Variants in TRAPPC3L observed in about 807,000 individuals in gnomAD.
TRAPPC3L encodes trafficking protein particle complex subunit 3L.
In TRAPPC3L, 23 loss-of-function variants were observed where a neutral mutation model predicts 23.7. The ratio of observed to expected loss-of-function variants is 0.97; its 90% CI spans 0.70 to 1.37. TRAPPC3L has a LOEUF of 1.37. Ranked by LOEUF, TRAPPC3L falls within the 40% of genes most tolerant of loss-of-function variation. The pLI is 0.00. For synonymous variants in TRAPPC3L, 81 were observed against 77.9 expected, an observed-to-expected ratio of 1.04 and a Z score of -0.21; for missense variants, 212 against 216.8, an observed-to-expected ratio of 0.98 and a Z score of 0.14.
In TRAPPC3L at chr6:116,500,662, G is replaced by A. The variant is rs1562335677; in HGVS notation, c.245C>T (p.Ala82Val). The change falls in exon 4 of 5, where the codon GCT (alanine) becomes GTT (valine). Residue 82 changes from alanine to valine, a missense_variant. By Grantham distance (64) the Ala-to-Val change is moderately conservative (BLOSUM62 0). Coordinates refer to ENST00000368602, the MANE Select transcript of TRAPPC3L (RefSeq NM_001139444.3). Reference protein sequence around the residue: ...SEIIDIIAQVAFKMYLGITPS... With the variant: ...SEIIDIIAQVVFKMYLGITPS... ...TGTAATTCCCAGGTACATCTTGAAA[G>A]CAACCTGATAAGAAAAAAACAAAAT... is the stretch of plus-strand genomic sequence containing the variant. 3.2e-6 allele frequency: 5 copies of A among 1,550,950 alleles called. No homozygotes were observed. The Admixed American group carries it at 7.9e-5, about 24-fold the overall frequency.
intron 3 of TRAPPC3L, among the ~76,000 whole-genome samples, chr6:116,536,237 C>CT (rs919494089): frequency 1.8e-4 from 28 of 151,998 alleles, no homozygotes; most frequent in African/African-American, 6.0e-4. Context: ...AACTTGGCAT[C>CT]TTTTTTTTAT....
chr6:116,520,459 C>A (rs1562342353), intron 3 of TRAPPC3L: 1 of 151,966 alleles, frequency 6.6e-6, no homozygotes, highest in Non-Finnish European at 1.5e-5. Context: ...GATTTTAGAT[C>A]CCAAAATCAT....
intron 3 of TRAPPC3L, among the ~76,000 whole-genome samples, chr6:116,527,519 CAAAAAA>C (rs34686241): frequency 3.6e-4 from 41 of 112,376 alleles, no homozygotes; most frequent in African/African-American, 3.0e-4. Flanking sequence ...CGTCTCAAAA[CAAAAAA>C]AAAAAAAAAA....
intron 3 of TRAPPC3L, among the ~76,000 whole-genome samples, chr6:116,515,279 A>G (rs887468832): frequency 7.2e-5 from 11 of 152,176 alleles, no homozygotes; most frequent in African/African-American, 2.7e-4. Flanking sequence ...TATCAGAGCT[A>G]ATACTATTTG....
chr6:116,523,564 C>A (rs1772384984), intron 3 of TRAPPC3L: 2 of 152,068 alleles, frequency 1.3e-5, no homozygotes, highest in African/African-American at 4.8e-5. Context: ...ATAATGAATT[C>A]TAAACTATTA....
At chr6:116,527,278 G>A (rs1008357088) in intron 3 of TRAPPC3L, among the ~76,000 whole-genome samples, 1 of 152,114 alleles carries the variant, frequency 6.6e-6, no homozygotes, top group South Asian at 2.1e-4. Context: ...AGCACTTTGG[G>A]GGGCCGAGAC....
chr6:116,497,089 A>G lies in TRAPPC3L; in HGVS notation c.427-16T>C. ...CCAAATGAACCTAGGAAAGAAGAAA[A>G]AAACAGGCCTGTGTCATTCAATTAA... is the stretch of plus-strand genomic sequence containing the variant. On this transcript the variant is annotated splice_polypyrimidine_tract_variant and intron_variant, in intron 4 of 4. Coordinates refer to ENST00000368602, the MANE Select transcript of TRAPPC3L (RefSeq NM_001139444.3). 1 of 1,536,090 alleles carries G rather than the reference A, an allele frequency of 6.5e-7. No individual in the cohort carries two copies. Among genetic ancestry groups the G allele is most frequent in the Non-Finnish European group, 8.8e-7 (1 of 1,142,812 alleles).
At chr6:116,500,860 T>G (rs181041372) in intron 3 of TRAPPC3L, among the ~76,000 whole-genome samples, 194 bp from the exon 4 acceptor site, 6 of 152,330 alleles carry the variant, frequency 3.9e-5, no homozygotes, top group Admixed American at 2.0e-4. Flanking sequence ...TATTTTTACT[T>G]GTGAGTCACT....
chr6:116,495,464 C>T lies in TRAPPC3L; in HGVS notation c.*1490G>A, dbSNP rs543462148. ...CAAATCTTAGCTATCGTCAGTAGTT[C>T]TGCAGTAAACATGGGAGTGCAGATA... On this transcript the variant is annotated 3_prime_UTR_variant, in exon 5 of 5. Transcript: ENST00000368602. The T allele has an allele frequency of 6.6e-6, 1 of 152,220 alleles. No individual in the cohort carries two copies. Among genetic ancestry groups the T allele is most frequent in the East Asian group, 1.9e-4 (1 of 5,170 alleles). 9.4% of individuals were successfully genotyped at this position (152,220 alleles called of 1,614,324 possible). A position where few individuals can be genotyped will look rare whatever the true frequency, so the allele number is the denominator to read the frequency against.
chr6:116,500,760 A>G (rs1771899179), intron 3 of TRAPPC3L, 94 bp from the exon 4 acceptor site: 3 of 1,113,868 alleles, frequency 2.7e-6, no homozygotes, highest in Non-Finnish European at 3.9e-6. Context: ...ATTGCAGCAC[A>G]ATGGTTAAGC....
chr6:116,507,797 C>T (rs552325418), intron 3 of TRAPPC3L, among the ~76,000 whole-genome samples: 4 of 127,590 alleles, frequency 3.1e-5, no homozygotes, highest in Admixed American at 8.9e-5. Context: ...AAAGTAACTT[C>T]GCAAAAACAT....
intron 3 of TRAPPC3L, chr6:116,515,992 C>T (rs2115168800): frequency 6.3e-7 from 1 of 1,579,460 alleles, no homozygotes; most frequent in Middle Eastern, 1.7e-4. Context: ...ATATGTAGCT[C>T]ATCCACCATC....
At chr6:116,532,290 G>A (rs1014200270) in intron 3 of TRAPPC3L, among the ~76,000 whole-genome samples, 1 of 152,028 alleles carries the variant, frequency 6.6e-6, no homozygotes, top group African/African-American at 2.4e-5. Context: ...TCTGGAGAAC[G>A]GGGTCTCGCT....
At chr6:116,525,776 T>G (rs145388773) in intron 3 of TRAPPC3L, among the ~76,000 whole-genome samples, 57 of 152,330 alleles carry the variant, frequency 3.7e-4, no homozygotes, top group Non-Finnish European at 7.4e-4. Context: ...TTAAGAACAG[T>G]ACCTTAAGAT....
intron 3 of TRAPPC3L, among the ~76,000 whole-genome samples, chr6:116,534,868 C>T (rs1292602113): frequency 2.6e-5 from 4 of 152,176 alleles, no homozygotes; most frequent in Admixed American, 6.5e-5. Flanking sequence ...ACCTAAAAAT[C>T]GGGGTTTCAA....
At chr6:116,543,928 A>G in intron 1 of TRAPPC3L, 1 of 1,327,888 alleles carries the variant, frequency 7.5e-7, no homozygotes, top group Non-Finnish European at 1.0e-6. Context: ...ATTTCCTTAT[A>G]GTTCTCCAAA....
At chr6:116,531,815 TAATA>T (rs1772742538) in intron 3 of TRAPPC3L, among the ~76,000 whole-genome samples, 2 of 151,434 alleles carry the variant, frequency 1.3e-5, no homozygotes, top group South Asian at 2.1e-4. Flanking sequence ...TACACTCATA[TAATA>T]AATAATGGAA....
chr6:116,530,375 A>G (rs1423689400), intron 3 of TRAPPC3L, among the ~76,000 whole-genome samples: 1 of 152,196 alleles, frequency 6.6e-6, no homozygotes. Flanking sequence ...AAGAAAACAC[A>G]CAGAATGTCA....
At chr6:116,529,525 GTAAAGTAGA>G (rs1246126079) in intron 3 of TRAPPC3L, among the ~76,000 whole-genome samples, 6 of 152,174 alleles carry the variant, frequency 3.9e-5, no homozygotes, top group Admixed American at 2.0e-4. Context: ...GCTGCTCGAG[GTAAAGTAGA>G]TTGGAGCTGA....
Sources: allele counts gnomAD v4.1 joint callset (sites outside exome capture counted in the v4.1 genomes callset), GRCh38; gene constraint gnomAD v4.1.1; transcripts MANE v1.5; gene names NCBI Gene and HGNC (gene_info 2026-07-23, HGNC 2026-07-21).